The following ERCC6 variants were observed in gnomAD, a reference collection of about 807,000 sequenced individuals.
ERCC6 encodes DNA excision repair protein ERCC-6.
A neutral mutation model predicts 158.7 loss-of-function variants in ERCC6; 116 were observed. That is an observed-to-expected ratio of 0.73 (90% confidence interval 0.63 to 0.85). The LOEUF (loss-of-function observed/expected upper bound fraction) is 0.85, where lower values mean the gene tolerates loss of function less well. Ranked by LOEUF, ERCC6 falls within the 40% of genes least tolerant of loss-of-function variation. ERCC6 has a pLI of 0.00. For missense variants in ERCC6, 1,698 were observed against 1,799.4 expected (o/e 0.94, Z 1.02); for synonymous variants, 678 against 659.3 (o/e 1.03, Z -0.43).
chr10:49,493,292 G>A, intron 7 of ERCC6, 40 bp from the exon 8 acceptor site: 1 of 1,612,944 alleles, frequency 6.2e-7, no homozygotes, highest in Non-Finnish European at 8.5e-7. Flanking sequence ...CCATGAAAGA[G>A]CATATACAGT....
rs759812880 is a variant in ERCC6 at position 49,493,111 on chromosome 10, T to C, written c.1821+6A>G. 25 of 1,613,868 alleles carry C rather than the reference T, an allele frequency of 1.5e-5. No homozygotes were observed. The highest frequency in any genetic ancestry group is 1.6e-4 in the Middle Eastern group (1 of 6,080). On this transcript the variant is annotated splice_donor_region_variant and intron_variant, in intron 8 of 20. Coordinates refer to ENST00000355832, the MANE Select transcript of ERCC6 (RefSeq NM_000124.4). ...AAAACAAAAAGGTACTGAAATATTG[T>C]GTTACCTTTTTGTGGGTATAGGAAC...
intron 11 of ERCC6, among the ~76,000 whole-genome samples, chr10:49,477,502 G>A (rs550132975): frequency 3.3e-5 from 5 of 152,114 alleles, no homozygotes; most frequent in Non-Finnish European, 5.9e-5. Context: ...CAAGCCTCAC[G>A]GGCACCTCTG....
intron 1 of ERCC6, 53 bp from the exon 2 acceptor site, chr10:49,533,031 T>C: frequency 6.4e-7 from 1 of 1,569,756 alleles, no homozygotes; most frequent in Non-Finnish European, 8.7e-7. Flanking sequence ...TCATTGTAGT[T>C]CTTAAATATT....
chr10:49,515,925 CCT>C, intron 5 of ERCC6: 1 of 1,614,158 alleles, frequency 6.2e-7, no homozygotes. Flanking sequence ...ATCAAATGTG[CCT>C]CTTTCTTTTT....
intron 8 of ERCC6, among the ~76,000 whole-genome samples, chr10:49,487,762 C>A (rs1259433849): frequency 6.6e-6 from 1 of 152,006 alleles, no homozygotes; most frequent in Non-Finnish European, 1.5e-5. Flanking sequence ...CTGGAAAATT[C>A]TAAATATTAT....
At chr10:49,534,342 C>T (rs982875328) in intron 1 of ERCC6, among the ~76,000 whole-genome samples, 6 of 152,170 alleles carry the variant, frequency 3.9e-5, no homozygotes, top group Non-Finnish European at 7.3e-5. Flanking sequence ...AAATTAAAGG[C>T]ACATGACCTT....
At chr10:49,440,853 C>A in the ERCC6 span, among the ~76,000 whole-genome samples, 1 of 152,252 alleles carries the variant, frequency 6.6e-6, no homozygotes, top group East Asian at 1.9e-4. Flanking sequence ...GATGGCATGG[C>A]CTCTCTGTTA....
chr10:49,538,763 C>T (rs1265214927), intron 1 of ERCC6, among the ~76,000 whole-genome samples, 199 bp downstream of exon 1: 1 of 152,252 alleles, frequency 6.6e-6, no homozygotes, highest in South Asian at 2.1e-4. Context: ...CAGGTGAGCG[C>T]TCCTTGGCGC....
In ERCC6 at chr10:49,476,458, T is replaced by C. The variant is rs1158045775; in HGVS notation, c.2287-148A>G. 6.4e-6 allele frequency: 4 copies of C among 629,166 alleles called. No individual in the cohort carries two copies. The Admixed American group carries it at 1.0e-4, about 16-fold the overall frequency. The allele number at this position is 629,166 out of a possible 1,614,324, so 39.0% of individuals were successfully genotyped here. A position where few individuals can be genotyped will look rare whatever the true frequency, so the allele number is the denominator to read the frequency against. On this transcript the variant is annotated intron_variant, in intron 11 of 20. Transcript: ENST00000355832. ...TTATTAATATTAAAACAACAAAGGGTGACAATACTTCTCACCATACCCTGC... is the reference window on the plus strand; with the variant it reads ...TTATTAATATTAAAACAACAAAGGGCGACAATACTTCTCACCATACCCTGC...
rs111565031 is a variant in ERCC6, at chr10:49,474,316, T to C, written c.2383-74A>G. 4.0e-4 allele frequency: 478 copies of C among 1,189,090 alleles called. 1 individual carries two copies. Among genetic ancestry groups the C allele is most frequent in the Admixed American group, 1.3e-3 (78 of 58,916 alleles). 73.7% of individuals were successfully genotyped at this position (1,189,090 alleles called of 1,614,324 possible). A position where few individuals can be genotyped will look rare whatever the true frequency, so the allele number is the denominator to read the frequency against. ...AAGATTCCCTAGGCAAGGAGGCTGTTTAACCTATAACACAGACTAAAAAAC... is the reference window on the plus strand; with the variant it reads ...AAGATTCCCTAGGCAAGGAGGCTGTCTAACCTATAACACAGACTAAAAAAC... On this transcript the variant is annotated intron_variant, in intron 12 of 20. Transcript: ENST00000355832.
At chr10:49,511,100 C>A (rs1267126316) in intron 5 of ERCC6, among the ~76,000 whole-genome samples, 1 of 151,914 alleles carries the variant, frequency 6.6e-6, no homozygotes, top group Non-Finnish European at 1.5e-5. Flanking sequence ...TGATTTAAGT[C>A]TGAGCTCCAT....
intron 5 of ERCC6, chr10:49,516,875 G>A (rs140868411): frequency 1.9e-5 from 30 of 1,613,992 alleles, no homozygotes; most frequent in Admixed American, 5.0e-5. Context: ...CTTTAGGTGC[G>A]TATGAGGGAT....
chr10:49,517,424 G>A (rs1357575405), intron 5 of ERCC6, among the ~76,000 whole-genome samples: 4 of 152,136 alleles, frequency 2.6e-5, no homozygotes, highest in East Asian at 1.9e-4. Context: ...CTAACTCTGT[G>A]CACCAAGTGA....
At position 49,459,074 on chromosome 10, in the gene ERCC6, T is replaced by G. The variant is rs61760167; in HGVS notation, c.4223A>C (p.Glu1408Ala). 1.6e-3 allele frequency: 2,558 copies of G among 1,614,198 alleles called. 6 individuals are homozygous for G. Among genetic ancestry groups the G allele is most frequent in the Non-Finnish European group, 1.6e-3 (1,929 of 1,180,032 alleles). Residue 1408 changes from glutamate (E) to alanine (A), a missense_variant, in exon 21 of 21, where the codon GAA becomes GCA. Glu to Ala is a moderately radical substitution (Grantham distance 107). Transcript: ENST00000355832. ...HLILPERLES[E>A]SGHLQEASAL... is the part of the protein sequence containing the mutation. ...AGAAGCTTCCTGCAGGTGCCCGCTTTCACTTTCTAAACGCTCTGGCAGAAT... is the reference window on the plus strand; with the variant it reads ...AGAAGCTTCCTGCAGGTGCCCGCTTGCACTTTCTAAACGCTCTGGCAGAAT...
intron 5 of ERCC6, chr10:49,515,575 C>G (rs768993757): frequency 6.2e-7 from 1 of 1,614,058 alleles, no homozygotes. Flanking sequence ...CGACGAAACT[C>G]CAGAAAATCC....
rs534541140 is a variant in ERCC6 at position 49,500,480 on chromosome 10, C to T, written c.1685+58G>A. 2.8e-5 allele frequency: 44 copies of T among 1,550,120 alleles called. No individual in the cohort carries two copies. In the Middle Eastern group the frequency reaches 5.3e-4, roughly 19 times the overall value. On this transcript the variant is annotated intron_variant, in intron 7 of 20. Coordinates refer to ENST00000355832, the MANE Select transcript of ERCC6 (RefSeq NM_000124.4). ...CACAAGACCCTCCTCCACAGCAATACATCTGATGAAATATTAATTGAGCTC... is the reference window on the plus strand; with the variant it reads ...CACAAGACCCTCCTCCACAGCAATATATCTGATGAAATATTAATTGAGCTC...
At chr10:49,517,538 A>G (rs1352341354) in intron 5 of ERCC6, among the ~76,000 whole-genome samples, 1 of 152,210 alleles carries the variant, frequency 6.6e-6, no homozygotes, top group Non-Finnish European at 1.5e-5. Flanking sequence ...CGTTCCAATA[A>G]TGGAACACTA....
intron 1 of ERCC6, among the ~76,000 whole-genome samples, chr10:49,537,301 C>A (rs1837620269): frequency 6.7e-6 from 1 of 149,842 alleles, no homozygotes; most frequent in African/African-American, 2.5e-5. Flanking sequence ...CGAGATCGCA[C>A]CACTGCACTC....
chr10:49,497,442 T>A (rs1851285555), intron 7 of ERCC6, among the ~76,000 whole-genome samples: 1 of 152,258 alleles, frequency 6.6e-6, no homozygotes, highest in African/African-American at 2.4e-5. Context: ...ATAATGTGCC[T>A]TCTGCAAACT....
Sources: allele counts gnomAD v4.1 joint callset (sites outside exome capture counted in the v4.1 genomes callset), GRCh38; gene constraint gnomAD v4.1.1; transcripts MANE v1.5; gene names NCBI Gene and HGNC (gene_info 2026-07-23, HGNC 2026-07-21).